The following CBR4 variants were observed in gnomAD, a reference collection of about 807,000 sequenced individuals.
The protein encoded by CBR4 is 3-oxoacyl-[acyl-carrier-protein] reductase.
Under a neutral mutation model 21.0 loss-of-function variants are expected in CBR4, and 22 were observed. That is an observed-to-expected ratio of 1.05 (90% CI 0.75 to 1.50). CBR4 has a LOEUF of 1.50. CBR4 is among the 40% of genes most tolerant of loss of function. The pLI, the probability that CBR4 is intolerant of heterozygous loss-of-function variation, is 0.00. For synonymous variants in CBR4, 100 were observed against 104.4 expected, an observed-to-expected ratio of 0.96 and a Z score of 0.26; for missense variants, 302 against 286.3, an observed-to-expected ratio of 1.05 and a Z score of -0.40.
At position 168,926,168 on chromosome 4, in the gene CBR4, A is replaced by G. The variant is rs943990048; in HGVS notation, n.170-31403T>C. On this transcript the variant is annotated intron_variant and non_coding_transcript_variant, in intron 2 of 3. Coordinates refer to the CBR4 transcript ENST00000509108. ...ATTTGAAATATCTAAAGGCTTTCCA[A>G]GTATATCTTGATTAAAAATCTTAAT... is the stretch of plus-strand genomic sequence containing the variant. 2.1e-6 allele frequency: 3 copies of G among 1,423,060 alleles called. No homozygotes were observed. The African/African-American group carries it at 4.3e-5, about 20-fold the overall frequency. 88.2% of individuals were successfully genotyped at this position (1,423,060 alleles called of 1,614,324 possible). A position where few individuals can be genotyped will look rare whatever the true frequency, so the allele number is the denominator to read the frequency against.
At chr4:168,946,075 A>G (rs1763389382) in intron 2 of CBR4, among the ~76,000 whole-genome samples, 1 of 152,202 alleles carries the variant, frequency 6.6e-6, no homozygotes, top group Non-Finnish European at 1.5e-5. Flanking sequence ...ATCCTCTCCT[A>G]TACCTTGCAT....
At chr4:168,910,942 C>T (rs1560906568) in intron 2 of CBR4, among the ~76,000 whole-genome samples, 2 of 152,084 alleles carry the variant, frequency 1.3e-5, no homozygotes, top group Admixed American at 6.6e-5. Flanking sequence ...TGCTGGGGTC[C>T]GCCAAGCTGC....
chr4:169,005,096 CAATT>C (rs1280583415), intron 3 of CBR4, among the ~76,000 whole-genome samples: 1 of 151,556 alleles, frequency 6.6e-6, no homozygotes, highest in Non-Finnish European at 1.5e-5. Flanking sequence ...TATTGTAGGC[CAATT>C]AATAACAAAG....
At chr4:168,916,150 C>T (rs994681166) in intron 2 of CBR4, 1 of 952,144 alleles carries the variant, frequency 1.1e-6, no homozygotes, top group Non-Finnish European at 1.7e-6. Context: ...CAGTGGCTCA[C>T]ACCTATAATC....
At chr4:168,950,769 C>T (rs1271546090) in intron 2 of CBR4, among the ~76,000 whole-genome samples, 1 of 152,080 alleles carries the variant, frequency 6.6e-6, no homozygotes, top group Non-Finnish European at 1.5e-5. Flanking sequence ...CTGGGAGCTC[C>T]AGTGTTAGGT....
intron 2 of CBR4, among the ~76,000 whole-genome samples, chr4:168,923,814 A>T (rs1726248794): frequency 6.6e-6 from 1 of 152,220 alleles, no homozygotes; most frequent in Non-Finnish European, 1.5e-5. Flanking sequence ...ATTCATGGCA[A>T]ACATGGCAAA....
At position 168,924,364 on chromosome 4, in the gene CBR4, T is replaced by C; in HGVS notation, n.170-29599A>G. 1.9e-6 allele frequency: 3 copies of C among 1,613,894 alleles called. No individual in the cohort carries two copies. The highest frequency in any genetic ancestry group is 2.5e-6 in the Non-Finnish European group (3 of 1,179,880). On this transcript the variant is annotated intron_variant and non_coding_transcript_variant, in intron 2 of 3. Coordinates refer to the CBR4 transcript ENST00000509108. ...GTCGTGTATTGGGAGTGCCACCACC[T>C]CAGATATTTTGGAAGAAAGAAAATG... is the stretch of plus-strand genomic sequence containing the variant.
chr4:168,997,676 C>T (rs1765271484), intron 4 of CBR4, among the ~76,000 whole-genome samples: 1 of 152,094 alleles, frequency 6.6e-6, no homozygotes, highest in African/African-American at 2.4e-5. Flanking sequence ...ATAGAAACAC[C>T]TCATTTCCAT....
chr4:168,951,761 T>C (rs1763546621), intron 2 of CBR4, among the ~76,000 whole-genome samples: 1 of 152,222 alleles, frequency 6.6e-6, no homozygotes, highest in Non-Finnish European at 1.5e-5. Flanking sequence ...TTCTAGCTTG[T>C]AGGGTTTCTG....
intron 2 of CBR4, among the ~76,000 whole-genome samples, chr4:168,894,973 T>C (rs1218865870): frequency 6.6e-6 from 1 of 152,238 alleles, no homozygotes; most frequent in Non-Finnish European, 1.5e-5. Flanking sequence ...CAAAATAATT[T>C]TGTGTGGAGA....
intron 2 of CBR4, among the ~76,000 whole-genome samples, chr4:168,972,620 A>T (rs1764244941): frequency 1.3e-5 from 2 of 152,330 alleles, no homozygotes; most frequent in South Asian, 4.1e-4. Flanking sequence ...TTATTTGTAT[A>T]TACTGATTTT....
chr4:168,897,098 T>A lies in CBR4; in HGVS notation n.170-2333A>T, dbSNP rs116012674. On this transcript the variant is annotated intron_variant and non_coding_transcript_variant, in intron 2 of 3. Transcript: ENST00000509108. ...CACCCGCCTTGGCTTCCCAAAGCGC[T>A]GGGAATACGGCATGAGCCACAGTGC... Among the ~76,000 whole-genome samples the A allele has an allele frequency of 7.5e-3, 1,139 of 152,352 alleles. 17 individuals carry two copies. The highest frequency in any genetic ancestry group is 0.026 in the African/African-American group (1,063 of 41,574).
At chr4:169,005,967 C>T in intron 3 of CBR4, 1 of 1,121,950 alleles carries the variant, frequency 8.9e-7, no homozygotes. Flanking sequence ...ACTATTATTT[C>T]CAAATTACCA....
At chr4:168,924,523 T>C (rs987708772) in intron 2 of CBR4, 2 of 1,142,860 alleles carry the variant, frequency 1.7e-6, no homozygotes, top group African/African-American at 1.5e-5. Flanking sequence ...AAAAGCCACA[T>C]AGATGTTTTG....
At chr4:169,009,059 C>CAAAAAAAAAAAAAAAAAAAACAAAAA in intron 1 of CBR4, 1 of 359,598 alleles carries the variant, frequency 2.8e-6, no homozygotes, top group Non-Finnish European at 5.2e-6. Flanking sequence ...GAAGCCCTCT[C>CAAAAAAAAAAAAAAAAAAAACAAAAA]AAAAAAAAAA....
Position 168,989,100 on chromosome 4 carries a change from T to C in CBR4, c.*1050A>G, listed in dbSNP as rs1170269336. ...CTTCACTGCTTCTTGTAAAGACATT[T>C]AATTTAATGTTATTGCATATTTATT... On this transcript the variant is annotated 3_prime_UTR_variant, in exon 5 of 5. Coordinates refer to ENST00000306193, the MANE Select transcript of CBR4 (RefSeq NM_032783.5). The C allele has an allele frequency of 1.0e-6, 1 of 980,772 alleles. No individual in the cohort carries two copies. Among genetic ancestry groups the C allele is most frequent in the Non-Finnish European group, 1.2e-6 (1 of 825,754 alleles). The allele number at this position is 980,772 out of a possible 1,614,324, so 60.8% of individuals were successfully genotyped here. A position where few individuals can be genotyped will look rare whatever the true frequency, so the allele number is the denominator to read the frequency against.
chr4:169,009,526 T>C (rs890465056), intron 1 of CBR4, among the ~76,000 whole-genome samples: 1 of 152,240 alleles, frequency 6.6e-6, no homozygotes, highest in Non-Finnish European at 1.5e-5. Flanking sequence ...CCACCTTTCC[T>C]GCCTGAACTC....
chr4:168,992,215 T>C (rs1477949065), intron 4 of CBR4, among the ~76,000 whole-genome samples: 7 of 152,284 alleles, frequency 4.6e-5, no homozygotes, highest in East Asian at 1.9e-4. Flanking sequence ...AATAAGAAAC[T>C]GGTTAAATAA....
chr4:168,972,573 T>G (rs1350461102), intron 2 of CBR4, among the ~76,000 whole-genome samples: 2 of 152,226 alleles, frequency 1.3e-5, no homozygotes, highest in African/African-American at 4.8e-5. Context: ...TTGATTTGAT[T>G]CTCAGCTTGG....
Sources: allele counts gnomAD v4.1 joint callset (sites outside exome capture counted in the v4.1 genomes callset), GRCh38; gene constraint gnomAD v4.1.1; transcripts MANE v1.5; gene names NCBI Gene and HGNC (gene_info 2026-07-23, HGNC 2026-07-21).